The following RTTN variants were observed in gnomAD, a reference collection of about 807,000 sequenced individuals.
RTTN encodes rotatin.
Under a neutral mutation model 269.2 loss-of-function variants are expected in RTTN, and 182 were observed. The ratio of observed to expected loss-of-function variants is 0.68; its 90% CI spans 0.60 to 0.76. RTTN has a LOEUF of 0.76. Among genes scored for constraint, RTTN ranks in the 30% least tolerant of loss-of-function variants. The pLI is 0.00. For synonymous variants in RTTN, 1,006 were observed against 963.5 expected (o/e 1.04, Z -0.82); for missense variants, 2,545 against 2,608.6 (o/e 0.98, Z 0.53).
chr18:70,143,356 C>T (rs1230225470), intron 18 of RTTN, among the ~76,000 whole-genome samples: 2 of 152,110 alleles, frequency 1.3e-5, no homozygotes, highest in Non-Finnish European at 2.9e-5. Flanking sequence ...ACATGCCTAT[C>T]AATGGCAGAT....
At chr18:70,163,810 T>C (rs1203004492) in intron 14 of RTTN, among the ~76,000 whole-genome samples, 3 of 152,216 alleles carry the variant, frequency 2.0e-5, no homozygotes, top group African/African-American at 7.2e-5. Flanking sequence ...AGTGTCAGAT[T>C]GTGGAGCCTT....
chr18:70,201,889 C>T lies in RTTN; in HGVS notation c.487+5G>A. On this transcript the variant is annotated splice_donor_5th_base_variant and intron_variant, in intron 4 of 48. Transcript: ENST00000640769. ...AACAGGATTTACTTCCCGACATATA[C>T]ACACCCACTGGTCGTGGCGGCACTT... 2 of 1,576,280 alleles carry T rather than the reference C, an allele frequency of 1.3e-6. No individual in the cohort carries two copies. The highest frequency in any genetic ancestry group is 1.1e-5 in the South Asian group (1 of 89,660).
intron 10 of RTTN, among the ~76,000 whole-genome samples, chr18:70,185,509 C>G (rs1168457928): frequency 6.6e-6 from 1 of 152,142 alleles, no homozygotes; most frequent in Non-Finnish European, 1.5e-5. Context: ...CTACAAAATA[C>G]AAATGTACTA....
chr18:70,181,825 A>C (rs2061428068), intron 10 of RTTN, among the ~76,000 whole-genome samples: 1 of 152,240 alleles, frequency 6.6e-6, no homozygotes, highest in South Asian at 2.1e-4. Flanking sequence ...AAGTAAAAGT[A>C]AATCAAATAT....
At chr18:70,046,778 T>G (rs191091123) in intron 40 of RTTN, among the ~76,000 whole-genome samples, 1 of 152,188 alleles carries the variant, frequency 6.6e-6, no homozygotes, top group East Asian at 1.9e-4. Flanking sequence ...AAGGCGCTGC[T>G]GGAGATGGAT....
chr18:70,043,440 A>G (rs1349679908), intron 40 of RTTN, among the ~76,000 whole-genome samples: 2 of 152,184 alleles, frequency 1.3e-5, no homozygotes, highest in African/African-American at 4.8e-5. Context: ...TAGGTGGGTG[A>G]GGCATGAAAA....
At chr18:70,158,214 A>G (rs79060873) in intron 14 of RTTN, among the ~76,000 whole-genome samples, 3,317 of 152,286 alleles carry the variant, frequency 0.022, 53 homozygotes, top group Admixed American at 0.038. Flanking sequence ...AGAGCAGGTC[A>G]CATATAAAAA....
Position 70,017,430 on chromosome 18 carries a change from T to G in RTTN, c.6398A>C (p.Asn2133Thr). 1 of 1,613,954 alleles carries G rather than the reference T, an allele frequency of 6.2e-7. No homozygotes were observed. The highest frequency in any genetic ancestry group is 8.5e-7 in the Non-Finnish European group (1 of 1,179,902). The change falls in exon 46 of 49, where the codon AAT (asparagine) becomes ACT (threonine). Residue 2133 changes from asparagine to threonine, a missense_variant. Coordinates refer to ENST00000640769, the MANE Select transcript of RTTN (RefSeq NM_173630.4). ...ACCATTAGCCAGGATCTTGGGTTTA[T>G]TTGCAGGACTGAAGCAAACATTATG... ...IFHNVCFSPANKPKILANEKV... is the reference protein window; with the variant it reads ...IFHNVCFSPATKPKILANEKV...
chr18:70,080,041 A>G (rs2058522641), intron 32 of RTTN, among the ~76,000 whole-genome samples: 1 of 152,142 alleles, frequency 6.6e-6, no homozygotes, highest in African/African-American at 2.4e-5. Context: ...CATGTAAAAT[A>G]TGAATATCAT....
chr18:70,161,365 A>C (rs1241923347), intron 14 of RTTN, among the ~76,000 whole-genome samples: 2 of 152,214 alleles, frequency 1.3e-5, no homozygotes, highest in African/African-American at 4.8e-5. Flanking sequence ...GATTAGACTT[A>C]AATGTAAGAC....
intron 40 of RTTN, chr18:70,031,345 G>A (rs1372827233): frequency 2.5e-6 from 1 of 400,018 alleles, no homozygotes; most frequent in African/African-American, 2.1e-5. Context: ...CAGGAGAACT[G>A]TCATCAATTT....
chr18:70,057,918 G>A, intron 36 of RTTN, 86 bp from the exon 37 acceptor site: 3 of 898,394 alleles, frequency 3.3e-6, no homozygotes, highest in Non-Finnish European at 5.2e-6. Context: ...AAGTTTAAAG[G>A]TAACTCGAAT....
chr18:70,180,298 C>A (rs1004818463), intron 10 of RTTN, among the ~76,000 whole-genome samples: 1 of 152,012 alleles, frequency 6.6e-6, no homozygotes, highest in Admixed American at 6.6e-5. Flanking sequence ...AGTTTGAGAC[C>A]AGCTTGGCCA....
rs2061648202 is a variant in RTTN, at chr18:70,190,622, T to C, written c.1105A>G (p.Thr369Ala). The C allele has an allele frequency of 3.1e-6, 5 of 1,613,580 alleles. No homozygotes were observed. The highest frequency in any genetic ancestry group is 2.5e-6 in the Non-Finnish European group (3 of 1,179,478). Residue 369 changes from threonine to alanine, a missense_variant, in exon 9 of 49, where the codon ACA (threonine) becomes GCA (alanine). By Grantham distance (58) the Thr-to-Ala change is moderately conservative. Transcript: ENST00000640769. ...IDLPELETED[T>A]LELQFQQLSL... is the part of the protein sequence containing the mutation. ...AGCTGCTGGAATTGTAGTTCCAATGTGTCTTCAGTTTCCAGCTCTGGCAGA... is the reference window on the plus strand; with the variant it reads ...AGCTGCTGGAATTGTAGTTCCAATGCGTCTTCAGTTTCCAGCTCTGGCAGA...
chr18:70,011,889 TTAGA>T (rs1446674746), intron 46 of RTTN, among the ~76,000 whole-genome samples: 3 of 151,404 alleles, frequency 2.0e-5, no homozygotes, highest in East Asian at 1.9e-4. Flanking sequence ...CTCACTGGTG[TTAGA>T]TAGAGGGTAG....
At chr18:70,158,897 T>G (rs2060754252) in intron 14 of RTTN, among the ~76,000 whole-genome samples, 1 of 48,056 alleles carries the variant, frequency 2.1e-5, no homozygotes, top group Admixed American at 3.4e-4. Context: ...AAGATTTAAC[T>G]ATCCTAAATA....
chr18:70,097,448 T>C (rs2059032056), intron 28 of RTTN, among the ~76,000 whole-genome samples: 1 of 152,236 alleles, frequency 6.6e-6, no homozygotes, highest in South Asian at 2.1e-4. Flanking sequence ...TTTATGTAAT[T>C]AATAAACTAA....
chr18:70,065,270 T>TAAAAAAAAA lies in RTTN; in HGVS notation c.4747+550_4747+558dup, dbSNP rs61422284. On this transcript the variant is annotated intron_variant, in intron 35 of 48. Transcript: ENST00000640769. ...TAAGGCTTATATACTCTCTAGAATT[T>TAAAAAAAAA]AAAAAAAAAAAAAAAAAGCAAAGTT... is the stretch of plus-strand genomic sequence containing the variant. 4.5e-5 allele frequency among the ~76,000 whole-genome samples: 6 copies of TAAAAAAAAA among 132,938 alleles called. 1 individual carries two copies. The highest frequency in any genetic ancestry group is 6.3e-5 in the Non-Finnish European group (4 of 63,594). 87.2% of individuals were successfully genotyped at this position (132,938 alleles called of 152,430 possible).
chr18:70,182,016 T>A (rs911565177), intron 10 of RTTN, among the ~76,000 whole-genome samples: 3 of 152,110 alleles, frequency 2.0e-5, no homozygotes, highest in Non-Finnish European at 4.4e-5. Context: ...TAAGTTAATT[T>A]AAGAAACAAC....
Sources: gnomAD v4.1 joint callset for allele counts (sites outside exome capture counted in the v4.1 genomes callset) on GRCh38, gnomAD v4.1.1 for gene constraint, MANE v1.5 for transcripts, NCBI Gene and HGNC (gene_info 2026-07-23, HGNC 2026-07-21) for gene names.